Variants in CIB4 observed in about 807,000 individuals in gnomAD.
CIB4 encodes calcium and integrin binding family member 4, also known as calcium and integrin-binding family member 4.
In CIB4, 25 loss-of-function variants were observed where a neutral mutation model predicts 25.8. The observed-to-expected ratio is 0.97, with a 90% CI of 0.71 to 1.35. CIB4 has a LOEUF of 1.35. Ranked by LOEUF, CIB4 falls within the 40% of genes most tolerant of loss-of-function variation. The pLI is 0.00. For synonymous variants in CIB4, 75 were observed against 81.4 expected, an observed-to-expected ratio of 0.92 and a Z score of 0.42; for missense variants, 235 against 228.2, an observed-to-expected ratio of 1.03 and a Z score of -0.19.
At chr2:26,589,986 G>A (rs1241474037) in intron 4 of CIB4, among the ~76,000 whole-genome samples, 1 of 152,178 alleles carries the variant, frequency 6.6e-6, no homozygotes, top group Non-Finnish European at 1.5e-5. Context: ...AGAACAGGAA[G>A]CTTGAAGGAG....
intron 2 of CIB4, among the ~76,000 whole-genome samples, chr2:26,639,066 A>G (rs1669586623): frequency 6.6e-6 from 1 of 152,174 alleles, no homozygotes; most frequent in Non-Finnish European, 1.5e-5. Context: ...TGTATGGAAA[A>G]TTCTTCCAGA....
intron 3 of CIB4, among the ~76,000 whole-genome samples, chr2:26,625,960 C>G (rs1463351940): frequency 1.3e-5 from 2 of 152,182 alleles, no homozygotes; most frequent in Non-Finnish European, 2.9e-5. Flanking sequence ...ATATGGCTAG[C>G]CAGTTCTCCC....
chr2:26,640,416 C>A, intron 2 of CIB4, 117 bp downstream of exon 2: 8 of 1,084,438 alleles, frequency 7.4e-6, no homozygotes, highest in Non-Finnish European at 1.1e-5. Flanking sequence ...ATCTCCAGGG[C>A]TGTGTGGCTC....
intron 3 of CIB4, among the ~76,000 whole-genome samples, chr2:26,603,694 A>G (rs1055663102): frequency 1.3e-5 from 2 of 152,194 alleles, no homozygotes; most frequent in Admixed American, 1.3e-4. Flanking sequence ...AAGACCCACA[A>G]CCAGTAGAAA....
At chr2:26,605,363 T>A (rs1668868609) in intron 3 of CIB4, 10 of 320,932 alleles carry the variant, frequency 3.1e-5, no homozygotes, top group South Asian at 2.4e-4. Context: ...GGGGAAAGTG[T>A]ATCAGCTGGT....
At chr2:26,588,552 G>A (rs1347624847) in intron 4 of CIB4, among the ~76,000 whole-genome samples, 2 of 152,220 alleles carry the variant, frequency 1.3e-5, no homozygotes, top group East Asian at 1.9e-4. Context: ...ATTGTCACTC[G>A]AAGTCTCTGT....
At chr2:26,581,826 G>C (rs958930956) in intron 6 of CIB4, among the ~76,000 whole-genome samples, 1 of 152,220 alleles carries the variant, frequency 6.6e-6, no homozygotes, top group Non-Finnish European at 1.5e-5. Flanking sequence ...TCCTCATCCA[G>C]GCAGTCAGAA....
intron 3 of CIB4, among the ~76,000 whole-genome samples, chr2:26,621,193 AATT>A (rs1446342707): frequency 2.0e-5 from 3 of 150,572 alleles, no homozygotes; most frequent in Admixed American, 6.6e-5. Flanking sequence ...TCGTGCCAAC[AATT>A]ATTGTTGGGA....
At chr2:26,638,675 G>A (rs556083133) in intron 2 of CIB4, among the ~76,000 whole-genome samples, 2 of 152,170 alleles carry the variant, frequency 1.3e-5, no homozygotes, top group Admixed American at 6.5e-5. Context: ...AATGTAGGCC[G>A]GGTGCAGTGG....
intron 2 of CIB4, among the ~76,000 whole-genome samples, chr2:26,632,774 A>G (rs1250836203): frequency 1.5e-5 from 2 of 136,994 alleles, no homozygotes; most frequent in African/African-American, 7.2e-5. Context: ...AAAAAAAAAG[A>G]AAAAGAAAGA....
At position 26,612,343 on chromosome 2, in the gene CIB4, G is replaced by A. The variant is rs1669010674; in HGVS notation, c.187-17026C>T. Reference sequence around the variant, plus strand: ...CATCGCACCATCTTTGAGTCTTAGAGCATCTATGTCTGTACCTTTCCATAT... The same window carrying A: ...CATCGCACCATCTTTGAGTCTTAGAACATCTATGTCTGTACCTTTCCATAT... On this transcript the variant is annotated intron_variant, in intron 3 of 6. Transcript: ENST00000288861. Among the ~76,000 whole-genome samples, 6 of 152,384 alleles carry A rather than the reference G, an allele frequency of 3.9e-5. No homozygotes were observed. The South Asian group carries it at 1.2e-3, about 32-fold the overall frequency.
intron 3 of CIB4, among the ~76,000 whole-genome samples, chr2:26,600,711 A>C (rs528553808): frequency 2.2e-4 from 34 of 152,300 alleles, no homozygotes; most frequent in South Asian, 1.2e-3. Context: ...GTGCCTTTTA[A>C]AACTCCCCTC....
At chr2:26,593,177 A>G (rs185722357) in intron 4 of CIB4, among the ~76,000 whole-genome samples, 54 of 152,316 alleles carry the variant, frequency 3.5e-4, no homozygotes, top group African/African-American at 1.2e-3. Flanking sequence ...TTCAGAATGA[A>G]TTATGCTACC....
At chr2:26,617,047 C>T (rs879221421) in intron 3 of CIB4, among the ~76,000 whole-genome samples, 1 of 151,906 alleles carries the variant, frequency 6.6e-6, no homozygotes, top group African/African-American at 2.4e-5. Flanking sequence ...CACTGCTCTA[C>T]CCATTTTACA....
At position 26,623,433 on chromosome 2, in the gene CIB4, G is replaced by A. The variant is rs1026039461; in HGVS notation, c.186+5977C>T. 20 of 440,478 alleles carry A rather than the reference G, an allele frequency of 4.5e-5. No homozygotes were observed. In the Admixed American group the frequency reaches 4.8e-4, roughly 11 times the overall value. The allele number at this position is 440,478 out of a possible 1,614,324, so 27.3% of individuals were successfully genotyped here. ...ACCTACTTTTAGGATTTCTTGAAAGGCTGAGTAAATTTCAGGACTTTTCAT... is the reference window on the plus strand; with the variant it reads ...ACCTACTTTTAGGATTTCTTGAAAGACTGAGTAAATTTCAGGACTTTTCAT... On this transcript the variant is annotated intron_variant, in intron 3 of 6. Transcript: ENST00000288861.
intron 4 of CIB4, among the ~76,000 whole-genome samples, chr2:26,589,885 T>C (rs1395589342): frequency 6.6e-6 from 1 of 152,180 alleles, no homozygotes; most frequent in Admixed American, 6.5e-5. Context: ...TCCCTTCTCC[T>C]ATCACCTTTT....
In CIB4 at chr2:26,582,447, C is replaced by G. The variant is rs58731978; in HGVS notation, c.527+378G>C. ...TGTTTCTTTTCTATGAGCTCCACCA[C>G]CAGCATCTTCAGATCCCCCCTGTAA... On this transcript the variant is annotated intron_variant, in intron 6 of 6. Coordinates refer to ENST00000288861, the MANE Select transcript of CIB4 (RefSeq NM_001029881.3). 0.015 allele frequency among the ~76,000 whole-genome samples: 2,290 copies of G among 152,272 alleles called. 144 individuals are homozygous for G. In the East Asian group the frequency reaches 0.23, roughly 15 times the overall value.
At chr2:26,583,010 T>TCC (rs1327659308) in intron 5 of CIB4, 97 bp from the exon 6 acceptor site, 1 of 755,612 alleles carries the variant, frequency 1.3e-6, no homozygotes, top group Non-Finnish European at 2.3e-6. Flanking sequence ...CCAGGGGCTC[T>TCC]CCCACATGCT....
At chr2:26,588,992 T>C (rs113544490) in intron 4 of CIB4, among the ~76,000 whole-genome samples, 591 of 8,066 alleles carry the variant, frequency 0.073, 39 homozygotes, top group African/African-American at 0.16. Context: ...TTCTTCTTCT[T>C]CTTCTTCTTC....
Sources: gnomAD v4.1 joint callset for allele counts (sites outside exome capture counted in the v4.1 genomes callset) on GRCh38, gnomAD v4.1.1 for gene constraint, MANE v1.5 for transcripts, NCBI Gene and HGNC (gene_info 2026-07-23, HGNC 2026-07-21) for gene names.